IBTK: variants seen among roughly 807,000 people sequenced by gnomAD.
The protein encoded by IBTK is BTK-binding protein.
In IBTK, 83 loss-of-function variants were observed where a neutral mutation model predicts 154.9. The ratio of observed to expected loss-of-function variants is 0.54; its 90% CI spans 0.45 to 0.64. The LOEUF (loss-of-function observed/expected upper bound fraction) is 0.64, where lower values mean the gene tolerates loss of function less well. Among genes scored for constraint, IBTK ranks in the 30% least tolerant of loss-of-function variants. IBTK has a pLI of 0.00. For missense variants in IBTK, 1,332 were observed against 1,584.6 expected (o/e 0.84, Z 2.71); for synonymous variants, 515 against 536.1 (o/e 0.96, Z 0.54).
rs1177069259 is a variant in IBTK at position 82,216,180 on chromosome 6, T to C, written c.1497A>G (p.Glu499=). The C allele has an allele frequency of 6.2e-7, 1 of 1,612,360 alleles. No homozygotes were observed. The highest frequency in any genetic ancestry group is 8.5e-7 in the Non-Finnish European group (1 of 1,178,732). ...AGGTAAGTTTCTCAAGTCGAATTCT[T>C]TCATACACACTATTTATATCAGAGA... ...SYVSDINSVY[E]RIRLEKLTFA... is the part of the protein sequence containing the mutation. Residue 499 remains glutamate, a synonymous_variant, in exon 11 of 29, where the codon GAA becomes GAG. Transcript: ENST00000306270.
Position 82,182,047 on chromosome 6 carries a change from A to C in IBTK, c.3576-19T>G. ...AGATGCCCTGCAAAAGAAAGCAAAG[A>C]TCATGTTAAAACATCCATTTTGTAA... On this transcript the variant is annotated intron_variant, in intron 25 of 28. Coordinates refer to ENST00000306270, the MANE Select transcript of IBTK (RefSeq NM_015525.4). 6.3e-7 allele frequency: 1 copy of C among 1,585,030 alleles called. No homozygotes were observed. The highest frequency in any genetic ancestry group is 2.3e-5 in the East Asian group (1 of 44,108).
chr6:82,202,649 C>A lies in IBTK; in HGVS notation c.2612-4G>T, dbSNP rs1445705716. On this transcript the variant is annotated splice_region_variant and splice_polypyrimidine_tract_variant and intron_variant, in intron 17 of 28. Coordinates refer to ENST00000306270, the MANE Select transcript of IBTK (RefSeq NM_015525.4). ...ATAGCAGCATTCTTCAGGGTAACTA[C>A]AAAGAAAGAAAAGATTTGCAAAATT... The A allele has an allele frequency of 2.6e-6, 4 of 1,534,334 alleles. No homozygotes were observed. The highest frequency in any genetic ancestry group is 1.4e-5 in the African/African-American group (1 of 71,376).
At position 82,196,325 on chromosome 6, in the gene IBTK, T is replaced by C; in HGVS notation, c.3147A>G (p.Thr1049=). 3.1e-6 allele frequency: 5 copies of C among 1,606,978 alleles called. No individual in the cohort carries two copies. The highest frequency in any genetic ancestry group is 2.5e-6 in the Non-Finnish European group (3 of 1,177,088). The change falls in exon 22 of 29, where the codon ACA becomes ACG. Residue 1049 remains threonine (T), a synonymous_variant. Transcript: ENST00000306270. ...SPRDLQSPDF[T]TGFHSDKIEA... ...CAATCTTATCTGAATGAAATCCTGT[T>C]GTGAAATCAGGGGACTGTAAATCTC...
chr6:82,240,391 C>G lies in IBTK; in HGVS notation c.96G>C (p.Gln32His). ...LSVVTKGSEN[Q>H]IKAFLSSHCY... Reference sequence around the variant, plus strand: ...AATGACTGGAGAGAAAGGCCTTAATCTGGTTTTCGCTCCCCTTTGTTACCA... The same window carrying G: ...AATGACTGGAGAGAAAGGCCTTAATGTGGTTTTCGCTCCCCTTTGTTACCA... Residue 32 changes from glutamine (Q) to histidine (H), a missense_variant, in exon 2 of 29, where the codon CAG (glutamine) becomes CAC (histidine). Gln to His is a conservative substitution (Grantham distance 24). Transcript: ENST00000306270. 1 of 1,614,200 alleles carries G rather than the reference C, an allele frequency of 6.2e-7. No individual in the cohort carries two copies.
chr6:82,239,139 G>T (rs1770845600), intron 2 of IBTK, among the ~76,000 whole-genome samples: 1 of 151,888 alleles, frequency 6.6e-6, no homozygotes, highest in Non-Finnish European at 1.5e-5. Context: ...AACAACTACT[G>T]CCCTTTTAAA....
intron 27 of IBTK, chr6:82,173,105 G>A (rs528062110): frequency 2.0e-5 from 5 of 248,202 alleles, no homozygotes; most frequent in East Asian, 1.5e-4. Context: ...AGGTTCAAAC[G>A]ATTCTCCTGT....
intron 3 of IBTK, among the ~76,000 whole-genome samples, chr6:82,232,210 T>G (rs1459127473): frequency 6.6e-6 from 1 of 152,324 alleles, no homozygotes; most frequent in East Asian, 1.9e-4. Context: ...CTTGTTTCTT[T>G]AGCAGCTAAA....
intron 19 of IBTK, among the ~76,000 whole-genome samples, chr6:82,201,026 A>C (rs1000587032): frequency 1.3e-5 from 2 of 152,086 alleles, no homozygotes; most frequent in Non-Finnish European, 2.9e-5. Flanking sequence ...GATTCAATTC[A>C]ATAAAAACTT....
chr6:82,215,780 C>CAA lies in IBTK; in HGVS notation c.1601+294_1601+295dup, dbSNP rs59634766. Among the ~76,000 whole-genome samples the CAA allele has an allele frequency of 4.8e-3, 395 of 81,734 alleles. 6 individuals are homozygous for CAA. The highest frequency in any genetic ancestry group is 0.013 in the African/African-American group (256 of 19,788). The allele number at this position is 81,734 out of a possible 152,430, so 53.6% of individuals were successfully genotyped here. On this transcript the variant is annotated intron_variant, in intron 11 of 28. Coordinates refer to ENST00000306270, the MANE Select transcript of IBTK (RefSeq NM_015525.4). ...TGGGCAATAGAGCAAGACTCCATCT[C>CAA]AAAAAAAAAAAAAAAAAAAAGAAAG...
At chr6:82,179,137 G>T (rs1336884803) in intron 26 of IBTK, among the ~76,000 whole-genome samples, 1 of 152,198 alleles carries the variant, frequency 6.6e-6, no homozygotes, top group Non-Finnish European at 1.5e-5. Context: ...TGATAGCACT[G>T]GAGATAAAAT....
At chr6:82,174,182 CAG>C (rs1768028891) in intron 26 of IBTK, among the ~76,000 whole-genome samples, 2 of 151,876 alleles carry the variant, frequency 1.3e-5, no homozygotes, top group Admixed American at 1.3e-4. Flanking sequence ...CAAAGTCAAA[CAG>C]AGAGTAAATT....
intron 4 of IBTK, among the ~76,000 whole-genome samples, chr6:82,229,572 A>T (rs1770425245): frequency 2.0e-5 from 3 of 151,868 alleles, no homozygotes; most frequent in Non-Finnish European, 4.4e-5. Flanking sequence ...CTGAGGACCC[A>T]CTCAAGCTCA....
intron 9 of IBTK, among the ~76,000 whole-genome samples, chr6:82,219,579 AC>A (rs1416744602): frequency 3.5e-4 from 15 of 42,454 alleles, no homozygotes; most frequent in Admixed American, 5.1e-4. Flanking sequence ...CCACCCTCCC[AC>A]CCCTCAAAAA....
intron 22 of IBTK, 111 bp from the exon 23 acceptor site, chr6:82,194,753 T>G (rs948387873): frequency 2.8e-6 from 2 of 717,156 alleles, no homozygotes; most frequent in Non-Finnish European, 2.0e-6. Flanking sequence ...TAAAATCTTA[T>G]GACAATAAGC....
intron 25 of IBTK, chr6:82,188,992 T>C: frequency 2.3e-6 from 1 of 433,392 alleles, no homozygotes; most frequent in Non-Finnish European, 4.6e-6. Context: ...ATCGCACCAC[T>C]GCACTCAAAC....
In IBTK at chr6:82,208,173, T is replaced by C. The variant is rs1769481785; in HGVS notation, c.2509+2641A>G. On this transcript the variant is annotated intron_variant, in intron 16 of 28. Transcript: ENST00000306270. ...GAGGTGACGGTTATGTTAATTAGCT[T>C]GATTGTGGTAATTATCTCTCTCTAT... Among the ~76,000 whole-genome samples the C allele has an allele frequency of 2.6e-5, 4 of 151,490 alleles. No individual in the cohort carries two copies. In the South Asian group the frequency reaches 8.3e-4, roughly 32 times the overall value.
intron 5 of IBTK, among the ~76,000 whole-genome samples, chr6:82,226,604 G>GTTTTTTTTT (rs201331625): frequency 6.9e-6 from 1 of 144,964 alleles, no homozygotes; most frequent in Non-Finnish European, 1.5e-5. Context: ...CTTCTTTTTT[G>GTTTTTTTTT]TTTTTTTTTT....
chr6:82,190,162 C>T (rs1440383061), intron 25 of IBTK, among the ~76,000 whole-genome samples: 1 of 151,964 alleles, frequency 6.6e-6, no homozygotes, highest in Admixed American at 6.6e-5. Flanking sequence ...TACTAATAGC[C>T]CTAACAAGCA....
chr6:82,191,919 A>T, intron 23 of IBTK, 40 bp from the exon 24 acceptor site: 1 of 1,237,196 alleles, frequency 8.1e-7, no homozygotes, highest in Non-Finnish European at 1.2e-6. Flanking sequence ...GCATTCATTT[A>T]CCTATAAAGC....
Sources: gnomAD v4.1 joint callset for allele counts (sites outside exome capture counted in the v4.1 genomes callset) on GRCh38, gnomAD v4.1.1 for gene constraint, MANE v1.5 for transcripts, NCBI Gene and HGNC (gene_info 2026-07-23, HGNC 2026-07-21) for gene names.